The following ZC3H15 variants were observed in gnomAD, a reference collection of about 807,000 sequenced individuals.
ZC3H15 encodes zinc finger CCCH domain-containing protein 15.
ZC3H15 carries 15 observed loss-of-function variants against 51.2 expected under a neutral mutation model. The ratio of observed to expected loss-of-function variants is 0.29; its 90% CI spans 0.20 to 0.45. The LOEUF (loss-of-function observed/expected upper bound fraction) is 0.45, where lower values mean the gene tolerates loss of function less well. Among genes scored for constraint, ZC3H15 ranks in the 20% least tolerant of loss-of-function variants. The pLI is 1.00. For missense variants in ZC3H15, 381 were observed against 494.7 expected (o/e 0.77, Z 2.18); for synonymous variants, 144 against 162.8 (o/e 0.88, Z 0.88).
intron 2 of ZC3H15, among the ~76,000 whole-genome samples, chr2:186,497,912 T>C (rs1685308495): frequency 6.6e-6 from 1 of 152,192 alleles, no homozygotes; most frequent in Non-Finnish European, 1.5e-5. Context: ...GTAGTGCTGC[T>C]CTTAGAGCTG....
At chr2:186,493,326 C>T in intron 1 of ZC3H15, among the ~76,000 whole-genome samples, 1 of 152,082 alleles carries the variant, frequency 6.6e-6, no homozygotes, top group East Asian at 1.9e-4. Context: ...GAACACTAAG[C>T]ACAGAGGAGG....
rs1344604118 is a variant in ZC3H15, at chr2:186,493,431, T to C, written c.76-1802T>C. Among the ~76,000 whole-genome samples, 4 of 152,238 alleles carry C rather than the reference T, an allele frequency of 2.6e-5. No homozygotes were observed. In the South Asian group the frequency reaches 6.2e-4, roughly 24 times the overall value. On this transcript the variant is annotated intron_variant, in intron 1 of 9. Coordinates refer to ENST00000337859, the MANE Select transcript of ZC3H15 (RefSeq NM_018471.3). ...TTTCTCTTGTTTACAGTTAGACTTA[T>C]TGCCCTCCCAGCTGGAGGATCTTTC...
chr2:186,500,312 A>C lies in ZC3H15; in HGVS notation c.289+19A>C. On this transcript the variant is annotated intron_variant, in intron 3 of 9. Coordinates refer to ENST00000337859, the MANE Select transcript of ZC3H15 (RefSeq NM_018471.3). ...AGTAAAGGTAAACTTAAAATTTCAG[A>C]AGTGTGATTTTTTATCAAATGTAGT... 1.3e-6 allele frequency: 2 copies of C among 1,567,428 alleles called. No homozygotes were observed. The highest frequency in any genetic ancestry group is 1.7e-6 in the Non-Finnish European group (2 of 1,153,210).
intron 1 of ZC3H15, among the ~76,000 whole-genome samples, chr2:186,489,499 A>C (rs996214394): frequency 2.6e-5 from 4 of 152,348 alleles, no homozygotes; most frequent in African/African-American, 9.6e-5. Context: ...ACATATAAAG[A>C]CTGATACTTA....
Position 186,504,210 on chromosome 2 carries a change from G to C in ZC3H15, c.713G>C (p.Arg238Thr). Residue 238 changes from arginine (R) to threonine (T), a missense_variant, in exon 6 of 10, where the codon AGA (arginine) becomes ACA (threonine). Physicochemically the swap from Arg to Thr is moderately conservative, Grantham distance 71. Coordinates refer to ENST00000337859, the MANE Select transcript of ZC3H15 (RefSeq NM_018471.3). The stretch of plus-strand genomic sequence containing the variant: ...ATTTCATTAGAAGATCTAATTGAGA[G>C]AGAGGTAACTGGTATCCTTTTCCTA... ...DEISLEDLIE[R>T]ERSALGPNVT... The C allele has an allele frequency of 6.3e-7, 1 of 1,587,200 alleles. No homozygotes were observed. Among genetic ancestry groups the C allele is most frequent in the Non-Finnish European group, 8.6e-7 (1 of 1,166,284 alleles).
chr2:186,500,354 T>C lies in ZC3H15; in HGVS notation c.289+61T>C, dbSNP rs1318859774. 3 of 1,312,278 alleles carry C rather than the reference T, an allele frequency of 2.3e-6. No individual in the cohort carries two copies. The African/African-American group carries it at 4.5e-5, about 20-fold the overall frequency. 81.3% of individuals were successfully genotyped at this position (1,312,278 alleles called of 1,614,324 possible). ...AAATGTAGTTTATGCTAAAAACTAT[T>C]TATTTTGATGTTTATTTTCTTTAGA... On this transcript the variant is annotated intron_variant, in intron 3 of 9. Transcript: ENST00000337859.
intron 9 of ZC3H15, chr2:186,507,400 A>C (rs1353945273): frequency 2.2e-6 from 1 of 456,720 alleles, no homozygotes; most frequent in East Asian, 6.9e-5. Flanking sequence ...TTTAGAGGGA[A>C]GACATGGTCA....
chr2:186,488,606 T>C (rs1485633239), intron 1 of ZC3H15: 1 of 152,258 alleles, frequency 6.6e-6, no homozygotes, highest in Non-Finnish European at 1.5e-5. Context: ...AAAGACGTTA[T>C]AATTGACGCT....
At chr2:186,506,255 G>A (rs1444971073) in intron 8 of ZC3H15, among the ~76,000 whole-genome samples, 1 of 152,196 alleles carries the variant, frequency 6.6e-6, no homozygotes, top group East Asian at 1.9e-4. Flanking sequence ...CAATAGCACA[G>A]TCATTTGGTT....
chr2:186,500,709 T>A (rs1685368403), intron 3 of ZC3H15: 1 of 455,630 alleles, frequency 2.2e-6, no homozygotes, highest in Non-Finnish European at 4.4e-6. Flanking sequence ...GGATTGTTGC[T>A]CTGTCACCAG....
At chr2:186,499,856 C>G (rs1204321674) in intron 2 of ZC3H15, among the ~76,000 whole-genome samples, 1 of 152,098 alleles carries the variant, frequency 6.6e-6, no homozygotes, top group African/African-American at 2.4e-5. Flanking sequence ...CAAAATGAAC[C>G]TGTACGTTTC....
chr2:186,505,924 A>G (rs750739128), intron 8 of ZC3H15, 83 bp downstream of exon 8: 1 of 1,413,798 alleles, frequency 7.1e-7, no homozygotes. Context: ...AAGAGCCACC[A>G]ACATCAGAGC....
At chr2:186,489,576 A>C (rs1406263620) in intron 1 of ZC3H15, among the ~76,000 whole-genome samples, 2 of 152,228 alleles carry the variant, frequency 1.3e-5, no homozygotes, top group African/African-American at 4.8e-5. Context: ...ATTGCTCAAA[A>C]TTAATAGTTA....
chr2:186,500,431 T>C (rs1685361889), intron 3 of ZC3H15, 138 bp downstream of exon 3: 1 of 761,918 alleles, frequency 1.3e-6, no homozygotes, highest in Non-Finnish European at 2.2e-6. Context: ...AAATTACCTA[T>C]GTCAGTGGGT....
chr2:186,504,337 C>G (rs945073598), intron 6 of ZC3H15, 123 bp downstream of exon 6: 1 of 821,284 alleles, frequency 1.2e-6, no homozygotes, highest in Non-Finnish European at 1.7e-6. Context: ...GATCTATTCC[C>G]AAAGTTGCCC....
chr2:186,502,082 C>T lies in ZC3H15; in HGVS notation c.443-414C>T, dbSNP rs544191185. Among the ~76,000 whole-genome samples the T allele has an allele frequency of 1.7e-3, 261 of 152,006 alleles. 1 individual carries two copies. The highest frequency in any genetic ancestry group is 2.3e-3 in the Non-Finnish European group (157 of 67,976). ...AAAACCGTGAGGCCAGGAGCAGTGG[C>T]TCATGCCTATAATCCCAGCACTTTG... On this transcript the variant is annotated intron_variant, in intron 4 of 9. Coordinates refer to ENST00000337859, the MANE Select transcript of ZC3H15 (RefSeq NM_018471.3).
intron 8 of ZC3H15, chr2:186,506,177 A>T: frequency 2.7e-6 from 1 of 364,656 alleles, no homozygotes. Flanking sequence ...TTTTTTGGTT[A>T]ATATTTTATG....
chr2:186,506,700 T>A lies in ZC3H15; in HGVS notation c.967-13T>A, dbSNP rs1390971467. On this transcript the variant is annotated splice_polypyrimidine_tract_variant and intron_variant, in intron 8 of 9. Coordinates refer to ENST00000337859, the MANE Select transcript of ZC3H15 (RefSeq NM_018471.3). ...TTATTTGTAACAACTTTCTTTTCTATATGTTGTTAAAGGTTGATGATTCAG... is the reference window on the plus strand; with the variant it reads ...TTATTTGTAACAACTTTCTTTTCTAAATGTTGTTAAAGGTTGATGATTCAG... 1 of 1,595,678 alleles carries A rather than the reference T, an allele frequency of 6.3e-7. No individual in the cohort carries two copies. The highest frequency in any genetic ancestry group is 8.5e-7 in the Non-Finnish European group (1 of 1,172,484).
intron 2 of ZC3H15, among the ~76,000 whole-genome samples, chr2:186,495,697 G>T (rs1457432391): frequency 6.6e-6 from 1 of 152,144 alleles, no homozygotes; most frequent in Non-Finnish European, 1.5e-5. Context: ...GCATAAATTA[G>T]CTGGTAACAG....
Sources: gnomAD v4.1 joint callset for allele counts (sites outside exome capture counted in the v4.1 genomes callset) on GRCh38, gnomAD v4.1.1 for gene constraint, MANE v1.5 for transcripts, NCBI Gene and HGNC (gene_info 2026-07-23, HGNC 2026-07-21) for gene names.